Variants in LRRC4C observed in about 807,000 individuals in gnomAD.
LRRC4C encodes leucine rich repeat containing 4C.
In LRRC4C, 5 loss-of-function variants were observed where a neutral mutation model predicts 33.6. The ratio of observed to expected loss-of-function variants is 0.15; its 90% confidence interval spans 0.08 to 0.31. LRRC4C has a LOEUF of 0.31. Among genes scored for constraint, LRRC4C ranks in the 10% least tolerant of loss-of-function variants. LRRC4C has a pLI of 1.00. For synonymous variants in LRRC4C, 329 were observed against 302.0 expected, an observed-to-expected ratio of 1.09 and a Z score of -0.93; for missense variants, 560 against 796.7, an observed-to-expected ratio of 0.70 and a Z score of 3.58.
rs1590592188 is a variant in LRRC4C at position 40,393,956 on chromosome 11, A to G, written c.-269-74235T>C. Among the ~76,000 whole-genome samples the G allele has an allele frequency of 3.3e-5, 5 of 152,258 alleles. 1 individual carries two copies. In the South Asian group the frequency reaches 1.0e-3, roughly 32 times the overall value. ...ACTCTTAAGAGAAAAAAAATGGATC[A>G]GTTTTTTTTAACTTAATTTAGATTT... is the stretch of plus-strand genomic sequence containing the variant. On this transcript the variant is annotated intron_variant, in intron 3 of 6. Transcript: ENST00000528697.
chr11:40,709,136 G>T (rs565686632), intron 2 of LRRC4C, among the ~76,000 whole-genome samples: 13 of 152,212 alleles, frequency 8.5e-5, no homozygotes, highest in South Asian at 2.1e-4. Flanking sequence ...ACAGCACACT[G>T]ATGGGTCTTG....
intron 5 of LRRC4C, among the ~76,000 whole-genome samples, chr11:40,232,038 G>C (rs770041460): frequency 2.0e-5 from 3 of 152,038 alleles, no homozygotes; most frequent in Non-Finnish European, 4.4e-5. Flanking sequence ...ACAGAGTCTC[G>C]CTCTGTCACC....
At chr11:40,895,797 G>A (rs1044933899) in intron 2 of LRRC4C, among the ~76,000 whole-genome samples, 3 of 152,046 alleles carry the variant, frequency 2.0e-5, no homozygotes, top group Admixed American at 2.0e-4. Context: ...ATTATTATCT[G>A]CTAATAATTA....
At chr11:40,633,135 T>C (rs1437327263) in intron 3 of LRRC4C, among the ~76,000 whole-genome samples, 2 of 152,170 alleles carry the variant, frequency 1.3e-5, no homozygotes, top group African/African-American at 2.4e-5. Context: ...GACAAATGAA[T>C]ACTGGATCAG....
intron 2 of LRRC4C, among the ~76,000 whole-genome samples, chr11:40,854,475 G>T (rs546423361): frequency 1.3e-5 from 2 of 152,112 alleles, no homozygotes; most frequent in African/African-American, 2.4e-5. Flanking sequence ...AGTCAGACTC[G>T]ACTTGTATTC....
intron 4 of LRRC4C, chr11:40,293,787 C>G (rs572623617): frequency 2.0e-5 from 3 of 152,278 alleles, no homozygotes; most frequent in Admixed American, 6.5e-5. Context: ...CAGACCTTCC[C>G]GATGTCTGCT....
At chr11:40,577,643 T>C (rs1298489760) in intron 3 of LRRC4C, among the ~76,000 whole-genome samples, 1 of 151,988 alleles carries the variant, frequency 6.6e-6, no homozygotes, top group African/African-American at 2.4e-5. Context: ...GTCAGTAAAG[T>C]CCAGGGATAC....
intron 2 of LRRC4C, among the ~76,000 whole-genome samples, chr11:40,709,671 C>T (rs1459340654): frequency 6.6e-6 from 1 of 151,912 alleles, no homozygotes; most frequent in African/African-American, 2.4e-5. Flanking sequence ...GTGAATCTGA[C>T]AATTATGTGT....
intron 1 of LRRC4C, among the ~76,000 whole-genome samples, chr11:41,071,850 T>C (rs1353234422): frequency 4.6e-5 from 7 of 152,204 alleles, no homozygotes; most frequent in Non-Finnish European, 1.5e-5. Flanking sequence ...AACATGGCAG[T>C]ATTAACAGAA....
intron 3 of LRRC4C, among the ~76,000 whole-genome samples, chr11:40,461,044 T>C (rs765562720): frequency 6.6e-6 from 1 of 152,156 alleles, no homozygotes; most frequent in Non-Finnish European, 1.5e-5. Flanking sequence ...TGCAATTAAA[T>C]GCCCAAGCCT....
chr11:40,510,165 T>A (rs1236535149), intron 3 of LRRC4C, among the ~76,000 whole-genome samples: 1 of 149,592 alleles, frequency 6.7e-6, no homozygotes, highest in Non-Finnish European at 1.5e-5. Context: ...AATATATATG[T>A]ATATTTATTT....
intron 1 of LRRC4C, among the ~76,000 whole-genome samples, chr11:41,227,340 T>G (rs374041899): frequency 6.6e-6 from 1 of 151,932 alleles, no homozygotes; most frequent in Non-Finnish European, 1.5e-5. Context: ...AGTTATAGAG[T>G]AAGTACAATA....
chr11:40,743,941 T>A (rs931792993), intron 2 of LRRC4C, among the ~76,000 whole-genome samples: 1 of 152,112 alleles, frequency 6.6e-6, no homozygotes, highest in Non-Finnish European at 1.5e-5. Context: ...AGCTTTGCAT[T>A]GTAACTTCTA....
At chr11:40,739,200 A>G (rs1436836867) in intron 2 of LRRC4C, among the ~76,000 whole-genome samples, 1 of 151,906 alleles carries the variant, frequency 6.6e-6, no homozygotes, top group Admixed American at 6.6e-5. Flanking sequence ...CCCTTTAATC[A>G]CCATCTCCTC....
At chr11:40,838,248 T>C (rs1346154346) in intron 2 of LRRC4C, among the ~76,000 whole-genome samples, 1 of 152,218 alleles carries the variant, frequency 6.6e-6, no homozygotes, top group African/African-American at 2.4e-5. Flanking sequence ...TTTTATTTTC[T>C]TGTTTGCAAA....
intron 3 of LRRC4C, among the ~76,000 whole-genome samples, chr11:40,533,847 C>T (rs1292350357): frequency 6.6e-6 from 1 of 152,078 alleles, no homozygotes; most frequent in Non-Finnish European, 1.5e-5. Context: ...AGCCATGTGT[C>T]CAAGGACTCA....
intron 2 of LRRC4C, among the ~76,000 whole-genome samples, chr11:40,928,571 G>C (rs908229091): frequency 3.3e-5 from 5 of 151,862 alleles, no homozygotes; most frequent in African/African-American, 1.2e-4. Flanking sequence ...TATTTACTCT[G>C]TGGCCAGCAG....
intron 3 of LRRC4C, among the ~76,000 whole-genome samples, chr11:40,615,116 A>T (rs2135912295): frequency 6.6e-6 from 1 of 151,450 alleles, no homozygotes; most frequent in East Asian, 1.9e-4. Context: ...AATAACACAA[A>T]GCATAACAAA....
intron 3 of LRRC4C, among the ~76,000 whole-genome samples, chr11:40,359,485 A>G (rs1264904159): frequency 2.0e-5 from 3 of 152,208 alleles, no homozygotes; most frequent in Non-Finnish European, 4.4e-5. Flanking sequence ...TCATCAATTA[A>G]GCGCATCTCT....
Sources: gnomAD v4.1 joint callset for allele counts (sites outside exome capture counted in the v4.1 genomes callset) on GRCh38, gnomAD v4.1.1 for gene constraint, MANE v1.5 for transcripts, NCBI Gene and HGNC (gene_info 2026-07-23, HGNC 2026-07-21) for gene names.